The following RICTOR variants were observed in gnomAD, a reference collection of about 807,000 sequenced individuals.
RICTOR encodes RPTOR independent companion of MTOR complex 2, also known as rapamycin-insensitive companion of mTOR.
In RICTOR, 49 loss-of-function variants were observed where a neutral mutation model predicts 214.9. The ratio of observed to expected loss-of-function variants is 0.23; its 90% CI spans 0.18 to 0.29. The LOEUF (loss-of-function observed/expected upper bound fraction) is 0.29. RICTOR is among the 10% of genes least tolerant of loss of function. The pLI, the probability that RICTOR is intolerant of heterozygous loss-of-function variation, is 1.00. For missense variants in RICTOR, 1,625 were observed against 2,047.0 expected, an observed-to-expected ratio of 0.79 and a Z score of 3.98; for synonymous variants, 717 against 711.3, an observed-to-expected ratio of 1.01 and a Z score of -0.13.
chr5:38,962,902 C>G lies in RICTOR; in HGVS notation c.1540G>C (p.Val514Leu), dbSNP rs2150023853. 6.2e-7 allele frequency: 1 copy of G among 1,612,676 alleles called. No homozygotes were observed. The highest frequency in any genetic ancestry group is 8.5e-7 in the Non-Finnish European group (1 of 1,178,910). The change falls in exon 17 of 38, where the codon GTT becomes CTT. Residue 514 changes from valine (V) to leucine (L), a missense_variant. Coordinates refer to ENST00000357387, the MANE Select transcript of RICTOR (RefSeq NM_152756.5). ...THQKRDQYLR[V>L]QKDIFILKDT... ...TTAAGGATAAATATATCTTTCTGAA[C>G]TCGGAGATACTGATCCCGTTTCTGG... is the stretch of plus-strand genomic sequence containing the variant.
intron 36 of RICTOR, 119 bp downstream of exon 36, chr5:38,944,327 A>G: frequency 9.2e-6 from 9 of 981,614 alleles, no homozygotes; most frequent in Non-Finnish European, 1.3e-5. Flanking sequence ...CAGGTATGCA[A>G]TGCAGTTTAG....
intron 7 of RICTOR, among the ~76,000 whole-genome samples, chr5:38,987,037 C>T (rs986703417): frequency 6.6e-5 from 10 of 152,228 alleles, no homozygotes; most frequent in South Asian, 2.1e-4. Context: ...TACTGATTTG[C>T]GTATGCTGAA....
At chr5:39,051,520 C>T (rs554692086) in intron 2 of RICTOR, among the ~76,000 whole-genome samples, 199 of 152,028 alleles carry the variant, frequency 1.3e-3, no homozygotes, top group Non-Finnish European at 2.1e-3. Flanking sequence ...AGGCGAGGCA[C>T]GTGGAACACC....
intron 2 of RICTOR, among the ~76,000 whole-genome samples, chr5:39,058,831 A>G (rs1297942850): frequency 6.6e-6 from 1 of 152,140 alleles, no homozygotes; most frequent in African/African-American, 2.4e-5. Flanking sequence ...TTACAATTCT[A>G]ATTTTTTCAA....
chr5:39,006,947 T>C (rs1754127406), intron 3 of RICTOR, among the ~76,000 whole-genome samples: 2 of 152,228 alleles, frequency 1.3e-5, no homozygotes, highest in South Asian at 4.1e-4. Flanking sequence ...CTTTTGTTTT[T>C]ACTGTCTTGT....
chr5:39,019,636 A>C (rs1221375423), intron 3 of RICTOR, among the ~76,000 whole-genome samples: 1 of 152,200 alleles, frequency 6.6e-6, no homozygotes, highest in East Asian at 1.9e-4. Context: ...TCAAATTGTT[A>C]CGGCTCATTG....
At chr5:38,968,708 A>C (rs1306256033) in intron 11 of RICTOR, among the ~76,000 whole-genome samples, 1 of 151,296 alleles carries the variant, frequency 6.6e-6, no homozygotes, top group Admixed American at 6.6e-5. Context: ...ACTGCACTCT[A>C]GCCTGGGTGA....
intron 2 of RICTOR, among the ~76,000 whole-genome samples, chr5:39,032,532 CAAGT>C: frequency 6.6e-6 from 1 of 152,132 alleles, no homozygotes; most frequent in African/African-American, 2.4e-5. Flanking sequence ...ATGCTAACAA[CAAGT>C]AAAAACCTGA....
intron 2 of RICTOR, among the ~76,000 whole-genome samples, chr5:39,036,957 C>A (rs961737504): frequency 1.4e-4 from 22 of 152,088 alleles, no homozygotes; most frequent in Non-Finnish European, 2.9e-4. Flanking sequence ...CAGCTCTGCA[C>A]CAAGCAGTCC....
At position 38,944,989 on chromosome 5, in the gene RICTOR, C is replaced by A. The variant is rs745508964; in HGVS notation, c.4713G>T (p.Ser1571=). 3.1e-6 allele frequency: 5 copies of A among 1,613,424 alleles called. No individual in the cohort carries two copies. The highest frequency in any genetic ancestry group is 4.2e-6 in the Non-Finnish European group (5 of 1,179,568). Residue 1571 remains serine, a synonymous_variant, in exon 35 of 38, where the codon TCG becomes TCT. Coordinates refer to ENST00000357387, the MANE Select transcript of RICTOR (RefSeq NM_152756.5). The part of the protein sequence containing the change: ...NPLEVVPSKF[S]GISGCSDGVS... ...CCCCATCACTGCATCCAGAAATCCC[C>A]GAAAACTTAGAGGGAACCACTTCTA...
At chr5:39,025,982 T>C (rs1280466888) in intron 2 of RICTOR, among the ~76,000 whole-genome samples, 3 of 152,120 alleles carry the variant, frequency 2.0e-5, no homozygotes, top group African/African-American at 7.2e-5. Flanking sequence ...ATATGGGGGA[T>C]AGGGTGACTA....
intron 2 of RICTOR, among the ~76,000 whole-genome samples, chr5:39,040,432 G>A (rs1346923892): frequency 4.6e-5 from 7 of 151,880 alleles, no homozygotes; most frequent in Non-Finnish European, 7.4e-5. Context: ...AAACCTGCAC[G>A]CTGTGCACAT....
intron 2 of RICTOR, among the ~76,000 whole-genome samples, chr5:39,049,053 T>C (rs1173488530): frequency 6.6e-6 from 1 of 152,098 alleles, no homozygotes; most frequent in Admixed American, 6.6e-5. Context: ...ATAAATGTAC[T>C]CTTGCATGGT....
intron 24 of RICTOR, 96 bp downstream of exon 24, chr5:38,958,347 T>A: frequency 1.3e-6 from 1 of 787,550 alleles, no homozygotes. Flanking sequence ...GGTAAACTCT[T>A]CAGCGTACTT....
At chr5:39,027,489 AAATAT>A (rs1219173419) in intron 2 of RICTOR, among the ~76,000 whole-genome samples, 1 of 152,146 alleles carries the variant, frequency 6.6e-6, no homozygotes, top group Non-Finnish European at 1.5e-5. Context: ...AGTTTAAAAT[AAATAT>A]AATAAATGTA....
intron 2 of RICTOR, among the ~76,000 whole-genome samples, chr5:39,048,293 A>C (rs1014549948): frequency 3.3e-5 from 5 of 152,224 alleles, no homozygotes; most frequent in African/African-American, 1.2e-4. Flanking sequence ...CTTATCTTTA[A>C]AAAGGCCTGC....
intron 2 of RICTOR, among the ~76,000 whole-genome samples, chr5:39,057,972 C>G (rs116530250): frequency 0.012 from 1,755 of 152,180 alleles, 26 homozygotes; most frequent in African/African-American, 0.04. Context: ...CATATTTACT[C>G]TAGTGCTTTT....
At chr5:39,026,339 C>T (rs907985531) in intron 2 of RICTOR, among the ~76,000 whole-genome samples, 15 of 151,704 alleles carry the variant, frequency 9.9e-5, no homozygotes, top group Admixed American at 1.3e-4. Context: ...CAGTGCAAGA[C>T]CCTGTCTCAA....
chr5:39,015,755 C>CA lies in RICTOR; in HGVS notation c.195+5283dup, dbSNP rs376325893. On this transcript the variant is annotated intron_variant, in intron 3 of 37. Transcript: ENST00000357387. ...GTCAGCTAAAAAACTAGAGAAGTGA[C>CA]AAAAAACAAAAAAACACAAAACACA... is the stretch of plus-strand genomic sequence containing the variant. Among the ~76,000 whole-genome samples the CA allele has an allele frequency of 1.5e-3, 226 of 151,750 alleles. 1 individual carries two copies. The highest frequency in any genetic ancestry group is 0.014 in the Middle Eastern group (4 of 294).
Sources: gnomAD v4.1 joint callset for allele counts (sites outside exome capture counted in the v4.1 genomes callset) on GRCh38, gnomAD v4.1.1 for gene constraint, MANE v1.5 for transcripts, NCBI Gene and HGNC (gene_info 2026-07-23, HGNC 2026-07-21) for gene names.